Variants in PTPRS observed in about 807,000 individuals in gnomAD.
PTPRS encodes receptor-type tyrosine-protein phosphatase S.
Under a neutral mutation model 215.3 loss-of-function variants are expected in PTPRS, and 63 were observed. That is an observed-to-expected ratio of 0.29 (90% CI 0.24 to 0.36). The LOEUF is 0.36. PTPRS is among the 10% of genes least tolerant of loss of function. PTPRS has a pLI of 1.00. For missense variants in PTPRS, 2,258 were observed against 2,825.8 expected (o/e 0.80, Z 4.56); for synonymous variants, 1,404 against 1,191.4 (o/e 1.18, Z -3.68).
chr19:5,226,926 T>G (rs976856472), intron 16 of PTPRS, among the ~76,000 whole-genome samples: 7 of 152,168 alleles, frequency 4.6e-5, no homozygotes, highest in Non-Finnish European at 1.0e-4. Context: ...TACATGATTA[T>G]GGGCTACTGG....
rs2041265844 is a variant in PTPRS, at chr19:5,214,811, C to G, written c.4319-75G>C. 12 of 1,449,384 alleles carry G rather than the reference C, an allele frequency of 8.3e-6. No homozygotes were observed. In the Admixed American group the frequency reaches 2.5e-4, roughly 30 times the overall value. 89.8% of individuals were successfully genotyped at this position (1,449,384 alleles called of 1,614,324 possible). A position where few individuals can be genotyped will look rare whatever the true frequency, so the allele number is the denominator to read the frequency against. ...TTGGCTCTGTGTGGCCAACCACTTC[C>G]TGGAAGTTCACTCTGACCGCTCCCA... On this transcript the variant is annotated intron_variant, in intron 28 of 37. Coordinates refer to ENST00000262963, the MANE Select transcript of PTPRS (RefSeq NM_002850.4).
intron 9 of PTPRS, among the ~76,000 whole-genome samples, chr19:5,251,291 C>CT (rs2045038599): frequency 6.6e-6 from 1 of 152,090 alleles, no homozygotes; most frequent in Non-Finnish European, 1.5e-5. Context: ...CCTCTCCCCC[C>CT]CACCGCCAGC....
At chr19:5,228,954 G>A (rs906787886) in intron 16 of PTPRS, among the ~76,000 whole-genome samples, 4 of 152,232 alleles carry the variant, frequency 2.6e-5, no homozygotes, top group East Asian at 1.9e-4. Context: ...GGGTCAACAG[G>A]AGAGGAGACA....
At chr19:5,307,930 CG>C (rs1359995915) in intron 1 of PTPRS, among the ~76,000 whole-genome samples, 2 of 152,122 alleles carry the variant, frequency 1.3e-5, no homozygotes, top group East Asian at 3.9e-4. Context: ...GCTCCAATGG[CG>C]GGGTTGAGTA....
intron 9 of PTPRS, among the ~76,000 whole-genome samples, chr19:5,255,287 TCCCTTGTG>T (rs1473233508): frequency 6.6e-6 from 1 of 152,166 alleles, no homozygotes; most frequent in Non-Finnish European, 1.5e-5. Flanking sequence ...CTGTGCCACC[TCCCTTGTG>T]CCCTTGTGCC....
intron 3 of PTPRS, 26 bp downstream of exon 3, chr19:5,274,173 G>C: frequency 6.3e-7 from 1 of 1,596,044 alleles, no homozygotes; most frequent in Non-Finnish European, 8.6e-7. Flanking sequence ...ATTGACCCCA[G>C]GCTGCCTCCC....
chr19:5,263,288 T>G (rs1415410428), intron 5 of PTPRS, among the ~76,000 whole-genome samples: 1 of 152,020 alleles, frequency 6.6e-6, no homozygotes, highest in Admixed American at 6.5e-5. Flanking sequence ...GGCTGGGAGA[T>G]AGGAGGCGAT....
intron 1 of PTPRS, among the ~76,000 whole-genome samples, chr19:5,305,729 TG>T (rs2049460733): frequency 9.2e-6 from 1 of 108,844 alleles, no homozygotes; most frequent in Non-Finnish European, 2.0e-5. Context: ...ACCCCGTCTC[TG>T]AAAAATAAAT....
At chr19:5,231,282 G>A in intron 14 of PTPRS, 28 bp downstream of exon 14, 4 of 1,573,110 alleles carry the variant, frequency 2.5e-6, no homozygotes, top group Non-Finnish European at 2.6e-6. Context: ...GGCCTGCGGG[G>A]GGTCCCGGGC....
At chr19:5,304,258 G>GT (rs2049403384) in intron 1 of PTPRS, among the ~76,000 whole-genome samples, 1 of 152,148 alleles carries the variant, frequency 6.6e-6, no homozygotes, top group African/African-American at 2.4e-5. Context: ...AAGGTCAGGA[G>GT]TTTGAGACCA....
chr19:5,262,957 G>A lies in PTPRS; in HGVS notation c.577+7C>T. ...AGTTGTTGACGTGGTGATGAAATCA[G>A]ACTTACCAAAGGTTTCTGAACGTTT... On this transcript the variant is annotated splice_region_variant and intron_variant, in intron 6 of 37. Transcript: ENST00000262963. 3 of 1,584,192 alleles carry A rather than the reference G, an allele frequency of 1.9e-6. No homozygotes were observed. The highest frequency in any genetic ancestry group is 2.6e-6 in the Non-Finnish European group (3 of 1,163,788).
Position 5,210,919 on chromosome 19 carries a change from C to T in PTPRS, c.5235-114G>A. 11 of 1,386,646 alleles carry T rather than the reference C, an allele frequency of 7.9e-6. No individual in the cohort carries two copies. The highest frequency in any genetic ancestry group is 1.9e-4 in the Middle Eastern group (1 of 5,262). The allele number at this position is 1,386,646 out of a possible 1,614,324, so 85.9% of individuals were successfully genotyped here. A position where few individuals can be genotyped will look rare whatever the true frequency, so the allele number is the denominator to read the frequency against. ...CCAGTGACAGCTACACCTACCACCC[C>T]ACTGCCTGCCAGGAATGGCTGCTGG... On this transcript the variant is annotated intron_variant, in intron 33 of 37. Coordinates refer to ENST00000262963, the MANE Select transcript of PTPRS (RefSeq NM_002850.4). This position sits in a 1 kb window ranked among gnomAD's most constrained non-coding sequence, Gnocchi z 4.5.
rs542381762 is a variant in PTPRS at position 5,249,800 on chromosome 19, G to A, written c.719-3755C>T. 2.0e-5 allele frequency among the ~76,000 whole-genome samples: 3 copies of A among 152,356 alleles called. No individual in the cohort carries two copies. In the East Asian group the frequency reaches 5.8e-4, roughly 29 times the overall value. ...TTATACTCAAAGGAATTGTTGGAAC[G>A]TCAAAGGGAGTAAGATCTAGCTTTA... On this transcript the variant is annotated intron_variant, in intron 9 of 37. Transcript: ENST00000262963.
At chr19:5,226,603 G>C (rs1003776496) in intron 16 of PTPRS, among the ~76,000 whole-genome samples, 5 of 146,860 alleles carry the variant, frequency 3.4e-5, no homozygotes, top group Non-Finnish European at 6.0e-5. Flanking sequence ...AAGCAAAAAA[G>C]CCAGGCGTGG....
At chr19:5,219,000 G>A in intron 23 of PTPRS, 1 of 652,546 alleles carries the variant, frequency 1.5e-6, no homozygotes, top group Non-Finnish European at 2.6e-6. Context: ...CTCAGCCCTG[G>A]GATGTGCCCC....
At position 5,277,947 on chromosome 19, in the gene PTPRS, A is replaced by G. The variant is rs920391591; in HGVS notation, c.92-3603T>C. ...ACAAAAAACAAAGCACATGCTGCCC[A>G]GTGGCTTCCGGAAGTTCCTGGTCCC... On this transcript the variant is annotated intron_variant, in intron 2 of 37. Transcript: ENST00000262963. 3.1e-5 allele frequency: 47 copies of G among 1,501,240 alleles called. No homozygotes were observed. The African/African-American group carries it at 6.0e-4, about 19-fold the overall frequency. 93.0% of individuals were successfully genotyped at this position (1,501,240 alleles called of 1,614,324 possible).
chr19:5,223,416 G>GT, intron 17 of PTPRS, 119 bp from the exon 18 acceptor site: 1 of 1,235,116 alleles, frequency 8.1e-7, no homozygotes, highest in South Asian at 1.9e-5. Context: ...AGTTGGGGGG[G>GT]GTCTTACTCT....
intron 2 of PTPRS, among the ~76,000 whole-genome samples, chr19:5,284,309 G>A (rs547522898): frequency 1.1e-3 from 172 of 151,754 alleles, no homozygotes; most frequent in African/African-American, 3.9e-3. Flanking sequence ...GCAGTGAGCC[G>A]AGACTGCGCC....
At chr19:5,310,045 C>T (rs1230090594) in intron 1 of PTPRS, among the ~76,000 whole-genome samples, 1 of 152,114 alleles carries the variant, frequency 6.6e-6, no homozygotes, top group Admixed American at 6.5e-5. Flanking sequence ...CCTCTCCCTG[C>T]TCTCCCCTCC....
Sources: gnomAD v4.1 joint callset for allele counts (sites outside exome capture counted in the v4.1 genomes callset) on GRCh38, gnomAD v4.1.1 for gene constraint, Gnocchi (gnomAD v3.1) non-coding constraint, MANE v1.5 for transcripts, NCBI Gene and HGNC (gene_info 2026-07-23, HGNC 2026-07-21) for gene names.